ZNF345: variants seen among roughly 807,000 people sequenced by gnomAD.
ZNF345 encodes the protein zinc finger protein 345.
For missense variants in ZNF345, 527 were observed against 589.9 expected, an observed-to-expected ratio of 0.89 and a Z score of 1.10; for synonymous variants, 166 against 187.9, an observed-to-expected ratio of 0.88 and a Z score of 0.95.
chr19:36,857,350 A>G (rs1385895873), intron 2 of ZNF345, among the ~76,000 whole-genome samples: 2 of 152,174 alleles, frequency 1.3e-5, no homozygotes, highest in Non-Finnish European at 2.9e-5. Flanking sequence ...TCTGTCGCCC[A>G]GGCTGGAGTG....
chr19:36,877,488 C>T lies in ZNF345; in HGVS notation c.658C>T (p.His220Tyr). 6.2e-7 allele frequency: 1 copy of T among 1,614,172 alleles called. No homozygotes were observed. ...TGGCAGTGGTTCAAACCTTACTCAA[C>T]ATCGGCGGATTCATACTGGTGAGAA... ...AFGSGSNLTQ[H>Y]RRIHTGEKPY... Residue 220 changes from histidine to tyrosine, a missense_variant, in exon 3 of 3, where the codon CAT becomes TAT. Transcript: ENST00000420450.
downstream of ZNF345, among the ~76,000 whole-genome samples, chr19:36,880,869 C>T (rs2072963675): frequency 6.6e-6 from 1 of 152,054 alleles, no homozygotes; most frequent in Admixed American, 6.5e-5. Context: ...CTGTGAGGAC[C>T]TGTAATATAC....
At chr19:36,870,087 G>C (rs2072742971) in intron 2 of ZNF345, among the ~76,000 whole-genome samples, 1 of 152,052 alleles carries the variant, frequency 6.6e-6, no homozygotes, top group Non-Finnish European at 1.5e-5. Context: ...AGCCCATTTA[G>C]TTTTTTATTA....
downstream of ZNF345, among the ~76,000 whole-genome samples, chr19:36,882,002 C>A (rs2072970854): frequency 6.6e-6 from 1 of 151,234 alleles, no homozygotes. Flanking sequence ...TATTTTTAAA[C>A]CACTTTATTC....
At chr19:36,860,102 C>T (rs960673792) in intron 2 of ZNF345, among the ~76,000 whole-genome samples, 8 of 151,938 alleles carry the variant, frequency 5.3e-5, no homozygotes, top group Middle Eastern at 3.2e-3. Context: ...GAACTACAGG[C>T]GCACGCCACC....
Position 36,877,706 on chromosome 19 carries a change from G to A in ZNF345, c.876G>A (p.Gly292=), listed in dbSNP as rs1171821411. 12 of 1,613,974 alleles carry A rather than the reference G, an allele frequency of 7.4e-6. No homozygotes were observed. The highest frequency in any genetic ancestry group is 9.3e-6 in the Non-Finnish European group (11 of 1,180,000). The stretch of plus-strand genomic sequence containing the variant: ...AACCTTATGTATGTAAGGAATGTGG[G>A]AAGGCTTTTAATAGTGGCTCAGATC... The part of the protein sequence containing the change: ...GEKPYVCKEC[G]KAFNSGSDLT... Residue 292 remains glycine (G), a synonymous_variant, in exon 3 of 3, where the codon GGG becomes GGA. Transcript: ENST00000420450.
At chr19:36,882,798 CA>C (rs2072976569), downstream of ZNF345, among the ~76,000 whole-genome samples, 5 of 151,918 alleles carry the variant, frequency 3.3e-5, no homozygotes, top group Admixed American at 2.0e-4. Context: ...GTTTTTAATA[CA>C]TTTTATAGAT....
chr19:36,892,926 G>A lies in ZNF345; in HGVS notation c.155G>A (p.Arg52Lys), dbSNP rs767973751. ...ATGCCCAGGCAGGGGTTAAGCTGGA[G>A]GGCCATGGAGGAGGACAGGCCAGCA... Residue 52 changes from arginine to lysine, a missense_variant, in exon 4 of 4, where the codon AGG becomes AAG. Physicochemically the swap from Arg to Lys is conservative, Grantham distance 26 (BLOSUM62 2). Coordinates refer to the ZNF345 transcript ENST00000526123. The A allele has an allele frequency of 1.4e-3, 1,323 of 941,784 alleles. 2 individuals are homozygous for A. The highest frequency in any genetic ancestry group is 1.7e-3 in the Non-Finnish European group (1,247 of 715,392). 58.3% of individuals were successfully genotyped at this position (941,784 alleles called of 1,614,324 possible). A position where few individuals can be genotyped will look rare whatever the true frequency, so the allele number is the denominator to read the frequency against.
chr19:36,855,198 A>G (rs1214586614), intron 2 of ZNF345, among the ~76,000 whole-genome samples: 2 of 138,082 alleles, frequency 1.4e-5, no homozygotes, highest in Non-Finnish European at 3.0e-5. Flanking sequence ...GTTGGAGTGC[A>G]GTGGCGCCAT....
chr19:36,860,297 A>G (rs1194814157), intron 2 of ZNF345, among the ~76,000 whole-genome samples: 1 of 152,142 alleles, frequency 6.6e-6, no homozygotes, highest in Non-Finnish European at 1.5e-5. Context: ...TAACAACAAG[A>G]TTATTCTCTT....
chr19:36,881,440 G>T (rs1021677428), downstream of ZNF345, among the ~76,000 whole-genome samples: 3 of 152,060 alleles, frequency 2.0e-5, no homozygotes, highest in Non-Finnish European at 4.4e-5. Flanking sequence ...ACTCAAAGTG[G>T]CATAGAAATG....
Position 36,853,245 on chromosome 19 carries a change from CTTTT to C in ZNF345, c.-47+1358_-47+1361del, listed in dbSNP as rs902150512. Among the ~76,000 whole-genome samples the C allele has an allele frequency of 4.7e-5, 5 of 106,530 alleles. No homozygotes were observed. The South Asian group carries it at 1.6e-3, about 33-fold the overall frequency. 69.9% of individuals were successfully genotyped at this position (106,530 alleles called of 152,430 possible). ...AGCCAAAAGCTTGCTTTCTTTCTTT[CTTTT>C]TTTTTTTTTTTTTTTTGACTCGAAG... is the stretch of plus-strand genomic sequence containing the variant. On this transcript the variant is annotated intron_variant, in intron 2 of 2. Transcript: ENST00000420450.
At position 36,878,050 on chromosome 19, in the gene ZNF345, T is replaced by A. The variant is rs780989296; in HGVS notation, c.1220T>A (p.Phe407Tyr). 4 of 1,613,606 alleles carry A rather than the reference T, an allele frequency of 2.5e-6. No individual in the cohort carries two copies. Among genetic ancestry groups the A allele is most frequent in the Non-Finnish European group, 2.5e-6 (3 of 1,179,954 alleles). The change falls in exon 3 of 3, where the codon TTT (phenylalanine) becomes TAT (tyrosine). Residue 407 changes from phenylalanine to tyrosine, a missense_variant. Transcript: ENST00000420450. Reference sequence around the variant, plus strand: ...GAATGTAAAGAATGTGGAAAGTCCTTTAGTAGTGGTTCAGCTCTTAATCGG... The same window carrying A: ...GAATGTAAAGAATGTGGAAAGTCCTATAGTAGTGGTTCAGCTCTTAATCGG... The part of the protein sequence containing the change: ...PYECKECGKS[F>Y]SSGSALNRHQ...
chr19:36,859,510 A>G (rs2072499626), intron 2 of ZNF345, among the ~76,000 whole-genome samples: 1 of 148,518 alleles, frequency 6.7e-6, no homozygotes, highest in African/African-American at 2.5e-5. Flanking sequence ...TTTAATTTTG[A>G]GATTCTTTTT....
At chr19:36,860,159 G>A (rs754981991) in intron 2 of ZNF345, among the ~76,000 whole-genome samples, 2 of 151,976 alleles carry the variant, frequency 1.3e-5, no homozygotes, top group Non-Finnish European at 2.9e-5. Context: ...GGGTTTCACC[G>A]TGTTAGCCAG....
intron 3 of ZNF345, among the ~76,000 whole-genome samples, chr19:36,887,510 C>T (rs2073009202): frequency 6.6e-6 from 1 of 152,020 alleles, no homozygotes; most frequent in South Asian, 2.1e-4. Context: ...AAAAACTGTT[C>T]TAAAACAAAT....
intron 2 of ZNF345, chr19:36,872,462 A>G (rs826272): frequency 0.067 from 10,198 of 152,314 alleles, 929 homozygotes; most frequent in African/African-American, 0.21. Context: ...ATTACTTCCC[A>G]AAAGAGCTGG....
At position 36,877,777 on chromosome 19, in the gene ZNF345, G is replaced by A. The variant is rs2072919474; in HGVS notation, c.947G>A (p.Cys316Tyr). 1 of 1,613,962 alleles carries A rather than the reference G, an allele frequency of 6.2e-7. No individual in the cohort carries two copies. The highest frequency in any genetic ancestry group is 1.3e-5 in the African/African-American group (1 of 74,902). The change falls in exon 3 of 3, where the codon TGT (cysteine) becomes TAT (tyrosine). Residue 316 changes from cysteine to tyrosine, a missense_variant. Transcript: ENST00000420450. ...CACACTGGTGAGAAACCCTATGAGT[G>A]TAAGGAGTGTGAGAAAGCCTTTAGA... is the stretch of plus-strand genomic sequence containing the variant. Reference protein sequence around the residue: ...RIHTGEKPYECKECEKAFRSG... With the variant: ...RIHTGEKPYEYKECEKAFRSG...
At chr19:36,873,499 A>G (rs1199398131) in intron 2 of ZNF345, among the ~76,000 whole-genome samples, 1 of 152,168 alleles carries the variant, frequency 6.6e-6, no homozygotes, top group East Asian at 1.9e-4. Flanking sequence ...TGGCAAGAGC[A>G]CCTAAAAATC....
Sources: allele counts gnomAD v4.1 joint callset (sites outside exome capture counted in the v4.1 genomes callset), GRCh38; gene constraint gnomAD v4.1.1; transcripts MANE v1.5; gene names NCBI Gene and HGNC (gene_info 2026-07-23, HGNC 2026-07-21).